The following PGM3 variants were observed in gnomAD, a reference collection of about 807,000 sequenced individuals.
PGM3 encodes the protein phosphoglucomutase 3.
PGM3 carries 40 observed loss-of-function variants against 66.2 expected under a neutral mutation model. The observed-to-expected ratio is 0.60, with a 90% confidence interval of 0.47 to 0.79. The LOEUF is 0.79. PGM3 is among the 30% of genes least tolerant of loss of function. PGM3 has a pLI of 0.00. For missense variants in PGM3, 537 were observed against 643.4 expected, an observed-to-expected ratio of 0.83 and a Z score of 1.79; for synonymous variants, 191 against 224.2, an observed-to-expected ratio of 0.85 and a Z score of 1.32.
intron 4 of PGM3, 98 bp downstream of exon 4, chr6:83,186,910 T>C (rs993963248): frequency 2.6e-5 from 16 of 626,550 alleles, no homozygotes; most frequent in Admixed American, 9.4e-5. Context: ...TTTTTGTTCA[T>C]CTGTATTTTC....
At chr6:83,164,596 C>G (rs1195462885), downstream of PGM3, 1 of 1,471,576 alleles carries the variant, frequency 6.8e-7, no homozygotes, top group African/African-American at 1.4e-5. Flanking sequence ...TAAACAAGGT[C>G]TTCATGGCCA....
At chr6:83,170,212 A>G in intron 12 of PGM3, 93 bp downstream of exon 12, 1 of 1,163,042 alleles carries the variant, frequency 8.6e-7, no homozygotes, top group Non-Finnish European at 1.2e-6. Context: ...TAAAGCCTTA[A>G]TCATCATAGT....
the PGM3 span, among the ~76,000 whole-genome samples, chr6:83,149,260 G>C: frequency 2.6e-5 from 4 of 152,126 alleles, no homozygotes; most frequent in African/African-American, 4.8e-5. Context: ...TTTGTGTCTT[G>C]AAGTTTTCTG....
intron 4 of PGM3, among the ~76,000 whole-genome samples, chr6:83,185,872 G>C (rs184018113): frequency 6.6e-6 from 1 of 152,124 alleles, no homozygotes; most frequent in Non-Finnish European, 1.5e-5. Flanking sequence ...AGAGGGTCCC[G>C]AGGAATGCCC....
intron 7 of PGM3, 69 bp downstream of exon 7, chr6:83,179,741 G>T: frequency 1.6e-6 from 2 of 1,233,118 alleles, no homozygotes; most frequent in Non-Finnish European, 2.3e-6. Context: ...TCTGACAAAT[G>T]ATTGTAAAAT....
chr6:83,149,241 A>T, the PGM3 span, among the ~76,000 whole-genome samples: 1 of 151,938 alleles, frequency 6.6e-6, no homozygotes, highest in Non-Finnish European at 1.5e-5. Flanking sequence ...GCCTGGGAAA[A>T]TTTTTCTCTT....
chr6:83,149,213 G>T, the PGM3 span, among the ~76,000 whole-genome samples: 1,836 of 152,202 alleles, frequency 0.012, 26 homozygotes, highest in African/African-American at 0.037. Context: ...CACTTGAGCT[G>T]GGCCCCAAAC....
chr6:83,152,618 T>C, the PGM3 span, among the ~76,000 whole-genome samples: 1 of 149,426 alleles, frequency 6.7e-6, no homozygotes, highest in African/African-American at 2.4e-5. Flanking sequence ...TTTTTTCTTT[T>C]TCTTTTTTTT....
chr6:83,161,266 C>G (rs568867759), downstream of PGM3: 1 of 151,820 alleles, frequency 6.6e-6, no homozygotes, highest in African/African-American at 2.4e-5. Flanking sequence ...GGAAACATGC[C>G]GTTATATTAA....
rs376440648 is a variant in PGM3 at position 83,183,876 on chromosome 6, C to T, written c.458-898G>A. On this transcript the variant is annotated intron_variant, in intron 4 of 12. Transcript: ENST00000513973. ...GATTACAGGCACCCACCACCACGCC[C>T]GGCTAATTTTTGTATTTTTAGTAGA... Among the ~76,000 whole-genome samples, 242 of 152,156 alleles carry T rather than the reference C, an allele frequency of 1.6e-3. 1 individual carries two copies. The highest frequency in any genetic ancestry group is 5.8e-3 in the African/African-American group (239 of 41,522).
chr6:83,153,905 C>G, the PGM3 span: 16 of 1,611,596 alleles, frequency 9.9e-6, no homozygotes, highest in Non-Finnish European at 1.4e-5. Context: ...GCACATAATG[C>G]CCCTAGTTAT....
At chr6:83,162,936 T>A, downstream of PGM3, 1 of 1,606,318 alleles carries the variant, frequency 6.2e-7, no homozygotes, top group Non-Finnish European at 8.5e-7. Context: ...CATTCTTTTG[T>A]GATTGTTTTG....
downstream of PGM3, chr6:83,158,442 A>G: frequency 1.3e-6 from 1 of 779,622 alleles, no homozygotes; most frequent in Non-Finnish European, 2.1e-6. Context: ...ACTAAGTATA[A>G]TTTAAAAGAT....
chr6:83,157,439 A>T, downstream of PGM3: 1 of 1,043,802 alleles, frequency 9.6e-7, no homozygotes, highest in South Asian at 1.4e-5. Context: ...TAAACCAGTT[A>T]CTGATGCTTT....
chr6:83,193,347 C>CCCGCCCG (rs1789329316), upstream of PGM3: 1 of 139,522 alleles, frequency 7.2e-6, no homozygotes, highest in Non-Finnish European at 1.6e-5. Context: ...AGCCCCGCCC[C>CCCGCCCG]CGCCTCGCCG....
At chr6:83,149,218 C>G in the PGM3 span, among the ~76,000 whole-genome samples, 1 of 152,048 alleles carries the variant, frequency 6.6e-6, no homozygotes, top group Admixed American at 6.6e-5. Context: ...GAGCTGGGCC[C>G]CAAACCTAAA....
At chr6:83,161,405 TAA>T (rs1346425698), downstream of PGM3, among the ~76,000 whole-genome samples, 1 of 152,216 alleles carries the variant, frequency 6.6e-6, no homozygotes, top group African/African-American at 2.4e-5. Context: ...AAATACTTGA[TAA>T]GTTTACTGTA....
chr6:83,166,735 G>A lies in PGM3; in HGVS notation c.*2499C>T. The A allele has an allele frequency of 1.7e-6, 2 of 1,151,338 alleles. No homozygotes were observed. Among genetic ancestry groups the A allele is most frequent in the Non-Finnish European group, 2.1e-6 (2 of 937,450 alleles). The allele number at this position is 1,151,338 out of a possible 1,614,324, so 71.3% of individuals were successfully genotyped here. A position where few individuals can be genotyped will look rare whatever the true frequency, so the allele number is the denominator to read the frequency against. ...TTTAAAATAAGCAATAAGCTTGAGA[G>A]CACATAGAAGAAAATAAGCTGGATT... On this transcript the variant is annotated 3_prime_UTR_variant, in exon 13 of 13. Transcript: ENST00000513973.
the PGM3 span, chr6:83,148,826 C>T: frequency 1.3e-6 from 2 of 1,550,686 alleles, no homozygotes; most frequent in South Asian, 2.6e-5. Context: ...CTCTATACAA[C>T]TGAGTCTTCC....
Sources: gnomAD v4.1 joint callset for allele counts (sites outside exome capture counted in the v4.1 genomes callset) on GRCh38, gnomAD v4.1.1 for gene constraint, MANE v1.5 for transcripts, NCBI Gene and HGNC (gene_info 2026-07-23, HGNC 2026-07-21) for gene names.